The following CRIM1 variants were observed in gnomAD, a reference collection of about 807,000 sequenced individuals.
CRIM1 encodes cysteine rich transmembrane BMP regulator 1.
CRIM1 carries 32 observed loss-of-function variants against 116.4 expected under a neutral mutation model. The ratio of observed to expected loss-of-function variants is 0.27; its 90% CI spans 0.21 to 0.37. The LOEUF (loss-of-function observed/expected upper bound fraction) is 0.37, where lower values mean the gene tolerates loss of function less well. CRIM1 is among the 10% of genes least tolerant of loss of function. The pLI is 1.00. For synonymous variants in CRIM1, 590 were observed against 509.2 expected (o/e 1.16, Z -2.13); for missense variants, 1,331 against 1,354.8 (o/e 0.98, Z 0.28).
chr2:36,356,653 A>T lies in CRIM1; in HGVS notation c.331+30A>T. ...GGCCGCCCGCTGCGGGCCCCCTCCCACCTGGCCTGCGCCGCCCCCTCGGCG... is the reference window on the plus strand; with the variant it reads ...GGCCGCCCGCTGCGGGCCCCCTCCCTCCTGGCCTGCGCCGCCCCCTCGGCG... On this transcript the variant is annotated intron_variant, in intron 1 of 16. Coordinates refer to ENST00000280527, the MANE Select transcript of CRIM1 (RefSeq NM_016441.3). This position sits in a 1 kb window ranked among gnomAD's most constrained non-coding sequence, Gnocchi z 4.3. 6.3e-7 allele frequency: 1 copy of T among 1,585,490 alleles called. No homozygotes were observed.
At chr2:36,475,536 T>C (rs1165146415) in intron 5 of CRIM1, among the ~76,000 whole-genome samples, 1 of 152,226 alleles carries the variant, frequency 6.6e-6, no homozygotes, top group Non-Finnish European at 1.5e-5. Context: ...AGAGATAGTT[T>C]TACTTCTTCC....
chr2:36,519,897 T>C (rs1158403757), intron 12 of CRIM1, among the ~76,000 whole-genome samples: 1 of 142,768 alleles, frequency 7.0e-6, no homozygotes. Context: ...GAAAAAAGCA[T>C]GGCAGAGAAG....
At chr2:36,480,474 A>G (rs1320422427) in intron 7 of CRIM1, among the ~76,000 whole-genome samples, 1 of 152,228 alleles carries the variant, frequency 6.6e-6, no homozygotes, top group Non-Finnish European at 1.5e-5. Flanking sequence ...AAATGAACTA[A>G]TGTGGATCAA....
chr2:36,478,640 A>G (rs1275469333), intron 6 of CRIM1, among the ~76,000 whole-genome samples: 1 of 152,192 alleles, frequency 6.6e-6, no homozygotes, highest in Non-Finnish European at 1.5e-5. Context: ...ATGTCCCACT[A>G]TGTCCTTAGA....
chr2:36,391,105 T>A (rs1036784204), intron 1 of CRIM1, among the ~76,000 whole-genome samples: 1 of 144,222 alleles, frequency 6.9e-6, no homozygotes, highest in Non-Finnish European at 1.5e-5. Context: ...CCATTGCGCC[T>A]GGCCAACTTT....
intron 1 of CRIM1, among the ~76,000 whole-genome samples, chr2:36,359,811 A>G (rs1669102346): frequency 1.3e-5 from 2 of 152,114 alleles, no homozygotes; most frequent in African/African-American, 2.4e-5. Flanking sequence ...AGTTTTTCCT[A>G]CTTTCTGTCA....
chr2:36,508,678 T>G (rs1171302347), intron 8 of CRIM1, among the ~76,000 whole-genome samples: 1 of 152,258 alleles, frequency 6.6e-6, no homozygotes, highest in African/African-American at 2.4e-5. Flanking sequence ...GGTCTCAACT[T>G]GCTTGCTTTA....
At chr2:36,433,129 T>C (rs1025067289) in intron 2 of CRIM1, among the ~76,000 whole-genome samples, 3 of 152,146 alleles carry the variant, frequency 2.0e-5, no homozygotes, top group Admixed American at 2.0e-4. Context: ...ACCATCACTT[T>C]AGAGCAGTTC....
chr2:36,444,183 A>T (rs1457151916), intron 4 of CRIM1, among the ~76,000 whole-genome samples: 1 of 152,230 alleles, frequency 6.6e-6, no homozygotes, highest in Admixed American at 6.5e-5. Flanking sequence ...GACAATTCTC[A>T]GTTCACTATT....
At chr2:36,380,867 A>C (rs1670692793) in intron 1 of CRIM1, among the ~76,000 whole-genome samples, 1 of 152,136 alleles carries the variant, frequency 6.6e-6, no homozygotes, top group African/African-American at 2.4e-5. Flanking sequence ...GAGACCCATA[A>C]AAGTTTGTCA....
intron 1 of CRIM1, among the ~76,000 whole-genome samples, chr2:36,375,170 A>T (rs1670231962): frequency 6.6e-6 from 1 of 152,168 alleles, no homozygotes; most frequent in South Asian, 2.1e-4. Flanking sequence ...GTTTCCAAGG[A>T]TGTAAAGCAG....
chr2:36,527,100 G>A (rs533494254), intron 13 of CRIM1, among the ~76,000 whole-genome samples: 3 of 151,842 alleles, frequency 2.0e-5, no homozygotes, highest in East Asian at 1.9e-4. Flanking sequence ...TTGAGTCAGT[G>A]TATCTTTCTC....
intron 1 of CRIM1, among the ~76,000 whole-genome samples, chr2:36,395,036 G>A (rs1671916932): frequency 7.0e-6 from 1 of 143,480 alleles, no homozygotes; most frequent in South Asian, 2.2e-4. Flanking sequence ...TTTTTTTGAG[G>A]CGGAGTTTCA....
chr2:36,442,779 G>C, intron 4 of CRIM1, 44 bp downstream of exon 4: 2 of 1,612,014 alleles, frequency 1.2e-6, no homozygotes, highest in Non-Finnish European at 1.7e-6. Flanking sequence ...TCATTTGTTA[G>C]CATCATCTAA....
intron 2 of CRIM1, among the ~76,000 whole-genome samples, chr2:36,401,963 C>CT (rs1672438617): frequency 1.3e-5 from 2 of 148,388 alleles, no homozygotes; most frequent in African/African-American, 5.1e-5. Context: ...CATGGAGACA[C>CT]TTTCAGCTGT....
Position 36,512,411 on chromosome 2 carries a change from G to C in CRIM1, c.1780+17G>C, listed in dbSNP as rs748667079. 1 of 1,586,700 alleles carries C rather than the reference G, an allele frequency of 6.3e-7. No individual in the cohort carries two copies. The highest frequency in any genetic ancestry group is 8.6e-7 in the Non-Finnish European group (1 of 1,158,968). On this transcript the variant is annotated intron_variant, in intron 10 of 16. Coordinates refer to ENST00000280527, the MANE Select transcript of CRIM1 (RefSeq NM_016441.3). ...AGTGCAGAGGTAAGTGTGTACACAT[G>C]GCCCTTCCCCCTCAAAGCAGCCAGG... is the stretch of plus-strand genomic sequence containing the variant.
At chr2:36,366,180 T>C (rs1024042190) in intron 1 of CRIM1, among the ~76,000 whole-genome samples, 5 of 152,230 alleles carry the variant, frequency 3.3e-5, no homozygotes, top group Admixed American at 2.0e-4. Flanking sequence ...AGAAAAATCC[T>C]TGGAATCAGT....
At chr2:36,478,330 G>T (rs922935393) in intron 6 of CRIM1, among the ~76,000 whole-genome samples, 6 of 152,084 alleles carry the variant, frequency 3.9e-5, no homozygotes, top group South Asian at 4.2e-4. Flanking sequence ...TTCCCTACCT[G>T]CCCCCAGTCT....
At chr2:36,393,781 C>G (rs1178383180) in intron 1 of CRIM1, among the ~76,000 whole-genome samples, 1 of 152,156 alleles carries the variant, frequency 6.6e-6, no homozygotes, top group African/African-American at 2.4e-5. Context: ...AGCATGGGAG[C>G]AGTTCCTGCG....
Sources: gnomAD v4.1 joint callset for allele counts (sites outside exome capture counted in the v4.1 genomes callset) on GRCh38, gnomAD v4.1.1 for gene constraint, Gnocchi (gnomAD v3.1) non-coding constraint, MANE v1.5 for transcripts, NCBI Gene and HGNC (gene_info 2026-07-23, HGNC 2026-07-21) for gene names.